XPOT: variants seen among roughly 807,000 people sequenced by gnomAD.
XPOT encodes the protein exportin for tRNA.
XPOT carries 34 observed loss-of-function variants against 128.2 expected under a neutral mutation model. The ratio of observed to expected loss-of-function variants is 0.27; its 90% CI spans 0.20 to 0.35. The LOEUF is 0.35. Among genes scored for constraint, XPOT ranks in the 10% least tolerant of loss-of-function variants. The probability of loss-of-function intolerance (pLI) is 1.00; values close to 1 mark genes in which losing one functional copy is unlikely to be tolerated. For synonymous variants in XPOT, 348 were observed against 394.3 expected (o/e 0.88, Z 1.39); for missense variants, 838 against 1,125.3 (o/e 0.74, Z 3.65).
intron 2 of XPOT, 55 bp from the exon 3 acceptor site, chr12:64,414,852 C>A: frequency 9.5e-7 from 1 of 1,050,616 alleles, no homozygotes; most frequent in Non-Finnish European, 1.5e-6. Context: ...TTTATATTAG[C>A]AGGGCATTGA....
intron 22 of XPOT, among the ~76,000 whole-genome samples, chr12:64,438,674 C>A (rs1362580972): frequency 1.3e-5 from 2 of 150,170 alleles, no homozygotes. Context: ...GTCACCCAGG[C>A]TGGAGTGCAC....
In XPOT at chr12:64,418,818, T is replaced by A. The variant is rs1384164663; in HGVS notation, c.271-58T>A. On this transcript the variant is annotated intron_variant, in intron 5 of 24. Coordinates refer to ENST00000332707, the MANE Select transcript of XPOT (RefSeq NM_007235.6). ...CTTTGCCTTTTAATAAGACAACTGG[T>A]GTTTCTGGGTCTTTTCAATTTACAT... 4.0e-6 allele frequency: 6 copies of A among 1,509,784 alleles called. No homozygotes were observed. In the Admixed American group the frequency reaches 7.5e-5, roughly 19 times the overall value. The allele number at this position is 1,509,784 out of a possible 1,614,324, so 93.5% of individuals were successfully genotyped here. A position where few individuals can be genotyped will look rare whatever the true frequency, so the allele number is the denominator to read the frequency against.
chr12:64,435,518 G>GA, intron 21 of XPOT, 109 bp from the exon 22 acceptor site: 5 of 858,286 alleles, frequency 5.8e-6, no homozygotes, highest in Non-Finnish European at 8.1e-6. Flanking sequence ...ATATTTCTCT[G>GA]GAAATATTTA....
rs1446029466 is a variant in XPOT at position 64,425,194 on chromosome 12, G to A, written c.1452+12G>A. On this transcript the variant is annotated intron_variant, in intron 13 of 24. Transcript: ENST00000332707. ...ATATGATGCGAACTGTAAGTATACT[G>A]GAGATAATTTTGACCATAAATTTCT... The A allele has an allele frequency of 3.7e-6, 6 of 1,613,556 alleles. No homozygotes were observed. In the African/African-American group the frequency reaches 6.7e-5, roughly 18 times the overall value.
chr12:64,421,499 CAA>C lies in XPOT; in HGVS notation c.1080+29_1080+30del, dbSNP rs778291193. 2.7e-6 allele frequency: 4 copies of C among 1,478,282 alleles called. No homozygotes were observed. In the East Asian group the frequency reaches 9.1e-5, roughly 34 times the overall value. The allele number at this position is 1,478,282 out of a possible 1,614,324, so 91.6% of individuals were successfully genotyped here. A position where few individuals can be genotyped will look rare whatever the true frequency, so the allele number is the denominator to read the frequency against. On this transcript the variant is annotated intron_variant, in intron 9 of 24. Transcript: ENST00000332707. ...AAGTTTTTGTTTTATTCTTTTTGCT[CAA>C]TACATAATACAAAGGAGCCATGGAG...
At chr12:64,410,509 A>C (rs1380540220) in intron 2 of XPOT, among the ~76,000 whole-genome samples, 1 of 151,772 alleles carries the variant, frequency 6.6e-6, no homozygotes, top group Non-Finnish European at 1.5e-5. Context: ...TTTTCTAGAG[A>C]TAGGGTTTCA....
At chr12:64,413,786 A>T (rs2040062182) in intron 2 of XPOT, among the ~76,000 whole-genome samples, 1 of 152,208 alleles carries the variant, frequency 6.6e-6, no homozygotes, top group Admixed American at 6.5e-5. Context: ...ATATGCACAT[A>T]AATAACTAAA....
chr12:64,427,285 A>G (rs112594016), intron 15 of XPOT, among the ~76,000 whole-genome samples: 3,980 of 151,612 alleles, frequency 0.026, 192 homozygotes, highest in African/African-American at 0.091. Flanking sequence ...ACACCCGGCT[A>G]ATTTTTTGTA....
chr12:64,408,598 T>TG (rs746007518), intron 1 of XPOT, among the ~76,000 whole-genome samples: 2 of 152,218 alleles, frequency 1.3e-5, no homozygotes, highest in Non-Finnish European at 2.9e-5. Flanking sequence ...TGTGAAGAAG[T>TG]GGATTACCTC....
chr12:64,442,562 A>T (rs1855153268), intron 23 of XPOT: 1 of 152,382 alleles, frequency 6.6e-6, no homozygotes. Flanking sequence ...TCCTAATGCC[A>T]TTAGGCCTGG....
rs746033963 is a variant in XPOT at position 64,433,597 on chromosome 12, A to G, written c.2446A>G (p.Asn816Asp). The G allele has an allele frequency of 4.4e-6, 7 of 1,598,114 alleles. No homozygotes were observed. Among genetic ancestry groups the G allele is most frequent in the African/African-American group, 1.3e-5 (1 of 74,488 alleles). The change falls in exon 19 of 25, where the codon AAT (asparagine) becomes GAT (aspartate). Residue 816 changes from asparagine to aspartate, a missense_variant. Around this residue, in one of 3 missense-constraint regions of XPOT, gnomAD observed 761 missense variants for 988.3 expected, o/e 0.77. Transcript: ENST00000332707. ...CAGTGGGATGAGCGAAGTTATAGCA[A>G]ATCAAGGTGGGAACACATGCCATAT... ...TGSGMSEVIA[N>D]QGAENVERVL... is the part of the protein sequence containing the mutation.
At chr12:64,419,850 T>A (rs373092608) in intron 6 of XPOT, among the ~76,000 whole-genome samples, 23 of 152,334 alleles carry the variant, frequency 1.5e-4, no homozygotes, top group African/African-American at 5.3e-4. Flanking sequence ...CAGTGCTTTT[T>A]ATAGTTTGTA....
At chr12:64,432,364 G>C (rs1301509521) in intron 18 of XPOT, among the ~76,000 whole-genome samples, 2 of 151,930 alleles carry the variant, frequency 1.3e-5, no homozygotes, top group Non-Finnish European at 2.9e-5. Flanking sequence ...TTGTGCCTCA[G>C]CCTCCTGAGT....
intron 24 of XPOT, among the ~76,000 whole-genome samples, chr12:64,445,937 G>A (rs956239542): frequency 2.6e-5 from 4 of 152,324 alleles, no homozygotes; most frequent in African/African-American, 7.2e-5. Flanking sequence ...AGGGCTTTGC[G>A]CAGTAAATAA....
Position 64,410,076 on chromosome 12 carries a change from A to G in XPOT, c.41A>G (p.Asp14Gly), listed in dbSNP as rs770586184. 6 of 1,613,908 alleles carry G rather than the reference A, an allele frequency of 3.7e-6. No homozygotes were observed. The highest frequency in any genetic ancestry group is 4.2e-6 in the Non-Finnish European group (5 of 1,179,998). ...CTATTAGGGCTAAATCCAAATGCTGATTCAGACTTTAGACAAAGGGTAAGT... is the reference window on the plus strand; with the variant it reads ...CTATTAGGGCTAAATCCAAATGCTGGTTCAGACTTTAGACAAAGGGTAAGT... ...QALLGLNPNA[D>G]SDFRQRALAY... Residue 14 changes from aspartate to glycine, a missense_variant, in exon 2 of 25, where the codon GAT becomes GGT. Physicochemically the swap from Asp to Gly is moderately conservative, Grantham distance 94. This residue lies in a region of XPOT where 761 missense variants were observed against 988.3 expected (regional missense o/e 0.77). Transcript: ENST00000332707.
chr12:64,429,663 A>G (rs1304500872), intron 16 of XPOT, among the ~76,000 whole-genome samples: 2 of 152,104 alleles, frequency 1.3e-5, no homozygotes, highest in Non-Finnish European at 2.9e-5. Flanking sequence ...CTGGTCACGA[A>G]CTCCTGACCT....
intron 16 of XPOT, among the ~76,000 whole-genome samples, chr12:64,428,690 C>T (rs2040212849): frequency 1.3e-5 from 2 of 151,926 alleles, no homozygotes; most frequent in Admixed American, 6.6e-5. Flanking sequence ...AAAATATAAT[C>T]CTGGAAAAAG....
At chr12:64,444,207 G>T (rs2040349706) in intron 23 of XPOT, among the ~76,000 whole-genome samples, 1 of 152,150 alleles carries the variant, frequency 6.6e-6, no homozygotes, top group South Asian at 2.1e-4. Context: ...TACTAGATGT[G>T]AGCAGCCGTA....
In XPOT at chr12:64,404,440, G is replaced by C. The variant is rs2039956486; in HGVS notation, c.-439G>C. On this transcript the variant is annotated 5_prime_UTR_variant, in exon 1 of 25. Coordinates refer to ENST00000332707, the MANE Select transcript of XPOT (RefSeq NM_007235.6). ...CGGCGCCCGCCCGCGCGGCACCGACGCGGGGAGCGCGCTTCGCGCTGACTC... is the reference window on the plus strand; with the variant it reads ...CGGCGCCCGCCCGCGCGGCACCGACCCGGGGAGCGCGCTTCGCGCTGACTC... The C allele has an allele frequency of 6.5e-6, 1 of 153,926 alleles. No individual in the cohort carries two copies. Among genetic ancestry groups the C allele is most frequent in the South Asian group, 1.8e-4 (1 of 5,698 alleles). The allele number at this position is 153,926 out of a possible 1,614,324, so 9.5% of individuals were successfully genotyped here.
Sources: gnomAD v4.1 joint callset for allele counts (sites outside exome capture counted in the v4.1 genomes callset) on GRCh38, gnomAD v4.1.1 for gene constraint, gnomAD v4.1.1 regional missense constraint, MANE v1.5 for transcripts, NCBI Gene and HGNC (gene_info 2026-07-23, HGNC 2026-07-21) for gene names.